CTDSPL: variants seen among roughly 807,000 people sequenced by gnomAD.
CTDSPL encodes CTD small phosphatase-like protein.
In CTDSPL, 8 loss-of-function variants were observed where a neutral mutation model predicts 30.5. That is an observed-to-expected ratio of 0.26 (90% CI 0.15 to 0.47). The LOEUF (loss-of-function observed/expected upper bound fraction) is 0.47, where lower values mean the gene tolerates loss of function less well. CTDSPL is among the 20% of genes least tolerant of loss of function. CTDSPL has a pLI of 0.99. For synonymous variants in CTDSPL, 110 were observed against 137.9 expected (o/e 0.80, Z 1.42); for missense variants, 248 against 366.1 (o/e 0.68, Z 2.63).
At chr3:37,906,455 C>T (rs1006215828) in intron 1 of CTDSPL, among the ~76,000 whole-genome samples, 1 of 152,180 alleles carries the variant, frequency 6.6e-6, no homozygotes, top group African/African-American at 2.4e-5. Flanking sequence ...TTTGAGAGTG[C>T]CATCTGTTTC....
At chr3:37,949,387 C>G (rs369727870) in intron 2 of CTDSPL, among the ~76,000 whole-genome samples, 2 of 151,768 alleles carry the variant, frequency 1.3e-5, no homozygotes, top group Non-Finnish European at 2.9e-5. Context: ...ATTATAATAC[C>G]GAAAAATTAT....
chr3:37,914,030 T>C (rs1698614446), intron 1 of CTDSPL, among the ~76,000 whole-genome samples: 1 of 152,220 alleles, frequency 6.6e-6, no homozygotes, highest in Non-Finnish European at 1.5e-5. Context: ...TTTGGCAGAA[T>C]TGACGTCTTC....
intron 1 of CTDSPL, among the ~76,000 whole-genome samples, chr3:37,866,331 C>T (rs1336824873): frequency 6.6e-6 from 1 of 151,866 alleles, no homozygotes; most frequent in Non-Finnish European, 1.5e-5. Context: ...AAAAAAAAAT[C>T]ACACATACAC....
intron 1 of CTDSPL, among the ~76,000 whole-genome samples, chr3:37,936,956 GGC>G: frequency 7.5e-6 from 1 of 133,418 alleles, no homozygotes; most frequent in Non-Finnish European, 1.8e-5. Context: ...CTAGTTTGAG[GGC>G]AGGCTTTTGG....
At chr3:37,946,659 T>C (rs1006474156) in intron 1 of CTDSPL, among the ~76,000 whole-genome samples, 1 of 152,032 alleles carries the variant, frequency 6.6e-6, no homozygotes, top group East Asian at 1.9e-4. Flanking sequence ...TCCCAGGGAG[T>C]GTCAAGTCGA....
chr3:37,873,253 C>T (rs768507805), intron 1 of CTDSPL, among the ~76,000 whole-genome samples: 7 of 152,210 alleles, frequency 4.6e-5, no homozygotes, highest in African/African-American at 1.2e-4. Flanking sequence ...AGGTGTGTGG[C>T]GGAAGGGATG....
intron 2 of CTDSPL, among the ~76,000 whole-genome samples, chr3:37,955,563 C>T (rs144734487): frequency 6.6e-6 from 1 of 152,284 alleles, no homozygotes; most frequent in Non-Finnish European, 1.5e-5. Flanking sequence ...GAGCTGGAGG[C>T]CATTAATCTA....
At chr3:37,867,033 G>C (rs1201220177) in intron 1 of CTDSPL, among the ~76,000 whole-genome samples, 3 of 152,156 alleles carry the variant, frequency 2.0e-5, no homozygotes, top group Non-Finnish European at 2.9e-5. Flanking sequence ...TGTTGACATT[G>C]ATATAGTCAA....
chr3:37,961,117 C>G (rs772204836), intron 3 of CTDSPL, among the ~76,000 whole-genome samples: 7 of 152,160 alleles, frequency 4.6e-5, no homozygotes, highest in Non-Finnish European at 1.0e-4. Context: ...TGGTGTAAGG[C>G]ATGAAGTAGG....
chr3:37,879,961 G>A (rs755910337), intron 1 of CTDSPL, among the ~76,000 whole-genome samples: 13 of 151,450 alleles, frequency 8.6e-5, no homozygotes, highest in Middle Eastern at 3.5e-3. Context: ...GAGCACCACC[G>A]TGCTATTCAG....
intron 1 of CTDSPL, among the ~76,000 whole-genome samples, chr3:37,909,271 C>T (rs759914994): frequency 2.0e-5 from 3 of 152,166 alleles, no homozygotes; most frequent in Non-Finnish European, 2.9e-5. Context: ...CAAGCCTTGC[C>T]GAATTCATTT....
At chr3:37,894,635 AAT>A (rs1351376661) in intron 1 of CTDSPL, among the ~76,000 whole-genome samples, 3 of 152,178 alleles carry the variant, frequency 2.0e-5, no homozygotes, top group African/African-American at 7.2e-5. Flanking sequence ...CCATTAAAAA[AAT>A]ATGTTTTTTC....
In CTDSPL at chr3:37,914,348, C is replaced by T. The variant is rs191813127; in HGVS notation, c.80-32709C>T. 6.5e-3 allele frequency among the ~76,000 whole-genome samples: 985 copies of T among 152,226 alleles called. 4 individuals are homozygous for T. Among genetic ancestry groups the T allele is most frequent in the Non-Finnish European group, 0.01 (701 of 68,004 alleles). On this transcript the variant is annotated intron_variant, in intron 1 of 7. Transcript: ENST00000273179. The stretch of plus-strand genomic sequence containing the variant: ...ATTCTGTGAATTATTCTCCTTTTCC[C>T]TATATATTTTTTCCCTGTTTGATGT...
intron 2 of CTDSPL, among the ~76,000 whole-genome samples, chr3:37,956,871 G>A (rs1283087223): frequency 6.6e-6 from 1 of 152,154 alleles, no homozygotes; most frequent in Non-Finnish European, 1.5e-5. Context: ...TACACAAAAT[G>A]GTTTGTGAGT....
rs1698140545 is a variant in CTDSPL at position 37,876,880 on chromosome 3, G to T, written c.79+14602G>T. On this transcript the variant is annotated intron_variant, in intron 1 of 7. Coordinates refer to ENST00000273179, the MANE Select transcript of CTDSPL (RefSeq NM_001008392.2). ...CCCAGCACTTTGGGAGGCTGAGGCG[G>T]GTGGATCACGAGGTCAGGAGTTCAA... is the stretch of plus-strand genomic sequence containing the variant. 2.0e-5 allele frequency among the ~76,000 whole-genome samples: 3 copies of T among 151,920 alleles called. No individual in the cohort carries two copies. In the South Asian group the frequency reaches 6.3e-4, roughly 32 times the overall value.
At chr3:37,937,397 T>C (rs1278833801) in intron 1 of CTDSPL, among the ~76,000 whole-genome samples, 2 of 150,170 alleles carry the variant, frequency 1.3e-5, no homozygotes, top group African/African-American at 2.4e-5. Flanking sequence ...CTTATGGGAC[T>C]GGATTAGTTA....
intron 1 of CTDSPL, among the ~76,000 whole-genome samples, chr3:37,946,675 G>C (rs967747093): frequency 1.3e-5 from 2 of 152,218 alleles, no homozygotes; most frequent in African/African-American, 4.8e-5. Context: ...GTCGATTTGT[G>C]CCTGAGAAGA....
chr3:37,916,057 A>G (rs887036585), intron 1 of CTDSPL, among the ~76,000 whole-genome samples: 1 of 152,168 alleles, frequency 6.6e-6, no homozygotes, highest in Non-Finnish European at 1.5e-5. Context: ...CCCTTGGAGA[A>G]TGGAACTCCA....
chr3:37,863,741 C>T (rs1697973697), intron 1 of CTDSPL, among the ~76,000 whole-genome samples: 1 of 152,206 alleles, frequency 6.6e-6, no homozygotes, highest in Admixed American at 6.5e-5. Context: ...TCTCCTCAGG[C>T]AGAGGCCACT....
Sources: gnomAD v4.1 joint callset for allele counts (sites outside exome capture counted in the v4.1 genomes callset) on GRCh38, gnomAD v4.1.1 for gene constraint, MANE v1.5 for transcripts, NCBI Gene and HGNC (gene_info 2026-07-23, HGNC 2026-07-21) for gene names.